Variants in CUL5 observed in about 807,000 individuals in gnomAD.
CUL5 encodes the protein cullin 5, also known as cullin-5.
Under a neutral mutation model 108.8 loss-of-function variants are expected in CUL5, and 26 were observed. The ratio of observed to expected loss-of-function variants is 0.24; its 90% CI spans 0.18 to 0.33. The LOEUF is 0.33. CUL5 is among the 10% of genes least tolerant of loss of function. The pLI is 1.00. For synonymous variants in CUL5, 334 were observed against 298.0 expected, an observed-to-expected ratio of 1.12 and a Z score of -1.25; for missense variants, 524 against 909.2, an observed-to-expected ratio of 0.58 and a Z score of 5.45.
intron 13 of CUL5, among the ~76,000 whole-genome samples, chr11:108,091,732 C>CACACACACACACACACA (rs1555024090): frequency 4.7e-5 from 7 of 149,804 alleles, no homozygotes; most frequent in African/African-American, 1.5e-4. Flanking sequence ...CACACACACA[C>CACACACACACACACACA]GACAAATAAT....
intron 3 of CUL5, 85 bp from the exon 4 acceptor site, chr11:108,049,805 T>A (rs1487770823): frequency 3.1e-5 from 33 of 1,054,930 alleles, no homozygotes; most frequent in Non-Finnish European, 4.6e-5. Context: ...AAAAATTATG[T>A]ACAATTTAAA....
chr11:108,013,800 G>A (rs1277904923), intron 1 of CUL5, among the ~76,000 whole-genome samples: 1 of 152,124 alleles, frequency 6.6e-6, no homozygotes, highest in East Asian at 1.9e-4. Flanking sequence ...CGGGCATGGT[G>A]GCTCATGCCT....
chr11:108,072,633 TA>T (rs1278017031), intron 9 of CUL5, among the ~76,000 whole-genome samples, 171 bp downstream of exon 9: 1 of 152,178 alleles, frequency 6.6e-6, no homozygotes, highest in Non-Finnish European at 1.5e-5. Flanking sequence ...TTTGGTGTTC[TA>T]TTACCCATTA....
chr11:108,019,068 A>T (rs1266778354), intron 1 of CUL5, among the ~76,000 whole-genome samples: 1 of 152,022 alleles, frequency 6.6e-6, no homozygotes, highest in Admixed American at 6.6e-5. Context: ...CATTTACATT[A>T]TAGTAGGTAT....
rs189283450 is a variant in CUL5 at position 108,026,766 on chromosome 11, G to A, written c.25-7036G>A. Among the ~76,000 whole-genome samples, 15 of 152,108 alleles carry A rather than the reference G, an allele frequency of 9.9e-5. No individual in the cohort carries two copies. The East Asian group carries it at 2.5e-3, about 26-fold the overall frequency. On this transcript the variant is annotated intron_variant, in intron 1 of 18. Coordinates refer to ENST00000393094, the MANE Select transcript of CUL5 (RefSeq NM_003478.6). Reference sequence around the variant, plus strand: ...AGCACTTTGGGAGGCTGAGGTGGGCGGATCACGAGGTCAGGAGTTCGAGAC... The same window carrying A: ...AGCACTTTGGGAGGCTGAGGTGGGCAGATCACGAGGTCAGGAGTTCGAGAC...
intron 4 of CUL5, among the ~76,000 whole-genome samples, chr11:108,050,494 G>C (rs1018256436): frequency 1.3e-5 from 2 of 151,914 alleles, no homozygotes; most frequent in African/African-American, 4.8e-5. Flanking sequence ...AGCCTCCTGA[G>C]TAGCTGGGAC....
intron 7 of CUL5, among the ~76,000 whole-genome samples, chr11:108,062,696 A>T (rs1363575580): frequency 6.6e-6 from 1 of 152,042 alleles, no homozygotes; most frequent in African/African-American, 2.4e-5. Flanking sequence ...AAATGGTATC[A>T]ATCACCTCAG....
chr11:108,101,620 A>G (rs1373819049), intron 18 of CUL5, among the ~76,000 whole-genome samples: 1 of 152,224 alleles, frequency 6.6e-6, no homozygotes, highest in Non-Finnish European at 1.5e-5. Flanking sequence ...TGGCAGGTCC[A>G]TTAGCTCGAA....
At chr11:108,033,020 A>G (rs924864585) in intron 1 of CUL5, among the ~76,000 whole-genome samples, 1 of 152,222 alleles carries the variant, frequency 6.6e-6, no homozygotes, top group Non-Finnish European at 1.5e-5. Context: ...CTCAGGTTTG[A>G]TAATTCATTA....
chr11:108,014,941 C>G (rs1862143423), intron 1 of CUL5, among the ~76,000 whole-genome samples: 1 of 152,092 alleles, frequency 6.6e-6, no homozygotes, highest in Non-Finnish European at 1.5e-5. Flanking sequence ...CTCTCTTGCC[C>G]AGGCTGGAGT....
chr11:108,070,295 TG>T, intron 8 of CUL5, 106 bp downstream of exon 8: 1 of 734,242 alleles, frequency 1.4e-6, no homozygotes, highest in African/African-American at 1.7e-5. Context: ...CATAGGTATA[TG>T]TGGAACTGTT....
chr11:108,069,504 G>A (rs1863769673), intron 7 of CUL5, among the ~76,000 whole-genome samples: 1 of 151,988 alleles, frequency 6.6e-6, no homozygotes, highest in Admixed American at 6.6e-5. Flanking sequence ...TGTGGATGAG[G>A]CCATTTTAAC....
intron 2 of CUL5, among the ~76,000 whole-genome samples, chr11:108,039,558 A>G (rs1862838814): frequency 6.6e-6 from 1 of 152,226 alleles, no homozygotes; most frequent in Non-Finnish European, 1.5e-5. Context: ...TGTTTTGCAA[A>G]CATCAACACA....
Position 108,097,642 on chromosome 11 carries a change from G to A in CUL5, c.1912G>A (p.Val638Ile). ...AELRRTLWSL[V>I]AFPKLKRQVL... The stretch of plus-strand genomic sequence containing the variant: ...TTCTCCTTATTCTTCATAGTCTTTA[G>A]TAGCTTTCCCAAAACTCAAACGGCA... Residue 638 changes from valine to isoleucine, a missense_variant, in exon 17 of 19, where the codon GTA becomes ATA. Physicochemically the swap from Val to Ile is conservative, Grantham distance 29 (BLOSUM62 3). Transcript: ENST00000393094. 1 of 1,598,764 alleles carries A rather than the reference G, an allele frequency of 6.3e-7. No homozygotes were observed. Among genetic ancestry groups the A allele is most frequent in the Non-Finnish European group, 8.6e-7 (1 of 1,166,460 alleles).
intron 13 of CUL5, 73 bp from the exon 14 acceptor site, chr11:108,094,318 T>C (rs1243837552): frequency 3.6e-6 from 4 of 1,111,358 alleles, no homozygotes; most frequent in Non-Finnish European, 5.1e-6. Flanking sequence ...TTAGTTTTTC[T>C]ATTAAAATTT....
chr11:108,088,877 TC>T (rs1434236907), intron 12 of CUL5, among the ~76,000 whole-genome samples: 6 of 152,130 alleles, frequency 3.9e-5, no homozygotes, highest in African/African-American at 1.4e-4. Context: ...TTAATTCCTC[TC>T]CTTTCTTGGT....
intron 11 of CUL5, among the ~76,000 whole-genome samples, chr11:108,087,657 G>T (rs1417140210): frequency 6.6e-6 from 1 of 152,104 alleles, no homozygotes; most frequent in Non-Finnish European, 1.5e-5. Flanking sequence ...AAAACAATAT[G>T]CTCTGTTTAA....
Position 108,060,412 on chromosome 11 carries a change from T to TA in CUL5, c.780+5458dup, listed in dbSNP as rs571750336. Among the ~76,000 whole-genome samples the TA allele has an allele frequency of 3.0e-4, 46 of 152,366 alleles. 2 individuals carry two copies. In the South Asian group the frequency reaches 9.1e-3, roughly 30 times the overall value. On this transcript the variant is annotated intron_variant, in intron 7 of 18. Coordinates refer to ENST00000393094, the MANE Select transcript of CUL5 (RefSeq NM_003478.6). ...TTAAGATAATTTTTAGTTCAACTCT[T>TA]ACGTTGTAGCTGAGGCAAAGCAAAC...
chr11:108,030,540 G>A (rs932633116), intron 1 of CUL5, among the ~76,000 whole-genome samples: 2 of 152,216 alleles, frequency 1.3e-5, no homozygotes, highest in East Asian at 3.9e-4. Flanking sequence ...GGGAAGCTGA[G>A]GCAGGAGAAT....
Sources: gnomAD v4.1 joint callset for allele counts (sites outside exome capture counted in the v4.1 genomes callset) on GRCh38, gnomAD v4.1.1 for gene constraint, MANE v1.5 for transcripts, NCBI Gene and HGNC (gene_info 2026-07-23, HGNC 2026-07-21) for gene names.